SAMTOR: variants seen among roughly 807,000 people sequenced by gnomAD.
SAMTOR encodes the protein UPF0532 protein C7orf60.
chr7:112,824,449 C>T, the SAMTOR span, among the ~76,000 whole-genome samples: 1 of 152,116 alleles, frequency 6.6e-6, no homozygotes, highest in African/African-American at 2.4e-5. Flanking sequence ...CAACCTCCGC[C>T]TCCTGGGTTC....
chr7:112,822,052 G>A, the SAMTOR span: 14 of 1,613,674 alleles, frequency 8.7e-6, no homozygotes, highest in East Asian at 2.2e-5. Context: ...TACTTGAAGC[G>A]TTTAAAGCCC....
the SAMTOR span, among the ~76,000 whole-genome samples, chr7:112,830,268 C>T: frequency 6.6e-6 from 1 of 152,006 alleles, no homozygotes; most frequent in Non-Finnish European, 1.5e-5. Flanking sequence ...AAAATTATTT[C>T]GAATATTTTG....
At chr7:112,864,628 T>C in the SAMTOR span, among the ~76,000 whole-genome samples, 1 of 152,236 alleles carries the variant, frequency 6.6e-6, no homozygotes, top group Non-Finnish European at 1.5e-5. Flanking sequence ...TATTTACAGC[T>C]GAAAGTTCTG....
the SAMTOR span, among the ~76,000 whole-genome samples, chr7:112,868,539 T>C: frequency 6.6e-6 from 1 of 152,064 alleles, no homozygotes; most frequent in African/African-American, 2.4e-5. Context: ...TGGGAGGTAG[T>C]GTGGGGAAAG....
chr7:112,864,442 T>G, the SAMTOR span, among the ~76,000 whole-genome samples: 2 of 152,178 alleles, frequency 1.3e-5, no homozygotes, highest in Non-Finnish European at 2.9e-5. Flanking sequence ...ATGATAAAGT[T>G]TAATGATAGG....
At chr7:112,886,939 G>A in the SAMTOR span, among the ~76,000 whole-genome samples, 1 of 152,140 alleles carries the variant, frequency 6.6e-6, no homozygotes, top group Non-Finnish European at 1.5e-5. Context: ...GCCGAGGAAG[G>A]CAGATCACGA....
chr7:112,912,392 A>T, the SAMTOR span, among the ~76,000 whole-genome samples: 134 of 152,036 alleles, frequency 8.8e-4, no homozygotes, highest in Middle Eastern at 0.014. Context: ...AAATTTTATT[A>T]TTCTGTCCTT....
chr7:112,912,878 T>G, the SAMTOR span, among the ~76,000 whole-genome samples: 1 of 152,040 alleles, frequency 6.6e-6, no homozygotes, highest in Non-Finnish European at 1.5e-5. Context: ...AAGTAGAAGG[T>G]GAAAGCAATT....
chr7:112,876,290 A>AT, the SAMTOR span, among the ~76,000 whole-genome samples: 1 of 151,878 alleles, frequency 6.6e-6, no homozygotes, highest in Non-Finnish European at 1.5e-5. Context: ...CTATTTTCTG[A>AT]TTTTTGAACG....
the SAMTOR span, among the ~76,000 whole-genome samples, chr7:112,898,002 A>G: frequency 6.6e-6 from 1 of 152,150 alleles, no homozygotes; most frequent in Non-Finnish European, 1.5e-5. Context: ...TGCTTTGCAG[A>G]GGGAGTGTGA....
chr7:112,845,726 T>C, the SAMTOR span, among the ~76,000 whole-genome samples: 3 of 152,076 alleles, frequency 2.0e-5, no homozygotes, highest in African/African-American at 7.2e-5. Flanking sequence ...AGCAATCCTA[T>C]CACTGGCTGT....
At chr7:112,843,019 GT>G in the SAMTOR span, among the ~76,000 whole-genome samples, 3 of 151,984 alleles carry the variant, frequency 2.0e-5, no homozygotes, top group Non-Finnish European at 4.4e-5. Context: ...TTGCTTAAAT[GT>G]TTTCAAACAA....
chr7:112,880,733 T>C, the SAMTOR span, among the ~76,000 whole-genome samples: 1 of 152,194 alleles, frequency 6.6e-6, no homozygotes, highest in African/African-American at 2.4e-5. Context: ...CAGGTTTCAA[T>C]ATATTTGTAT....
chr7:112,926,215 C>T, the SAMTOR span, among the ~76,000 whole-genome samples: 2 of 152,126 alleles, frequency 1.3e-5, no homozygotes, highest in Non-Finnish European at 2.9e-5. Flanking sequence ...GTCTATCTAC[C>T]ATGGGTGAGG....
At chr7:112,937,865 TTAAAA>T in the SAMTOR span, among the ~76,000 whole-genome samples, 1 of 151,212 alleles carries the variant, frequency 6.6e-6, no homozygotes, top group Non-Finnish European at 1.5e-5. Context: ...ATACTCAGGC[TTAAAA>T]CATGGTTAAA....
the SAMTOR span, among the ~76,000 whole-genome samples, chr7:112,892,688 C>T: frequency 6.6e-6 from 1 of 151,806 alleles, no homozygotes; most frequent in South Asian, 2.1e-4. Flanking sequence ...GGGAGGGTCA[C>T]TTGAGCCCAG....
chr7:112,825,050 C>T, the SAMTOR span, among the ~76,000 whole-genome samples: 1 of 152,126 alleles, frequency 6.6e-6, no homozygotes, highest in Non-Finnish European at 1.5e-5. Flanking sequence ...CAGACAGGGT[C>T]TCACTCTGTC....
chr7:112,913,414 C>T, the SAMTOR span, among the ~76,000 whole-genome samples: 52 of 152,174 alleles, frequency 3.4e-4, no homozygotes, highest in Non-Finnish European at 7.2e-4. Context: ...TCTCATTCAC[C>T]AACTGTTTAA....
chr7:112,839,964 A>T, the SAMTOR span, among the ~76,000 whole-genome samples: 1 of 151,958 alleles, frequency 6.6e-6, no homozygotes, highest in East Asian at 1.9e-4. Flanking sequence ...TTATATTCAG[A>T]GTCTGACAAT....
Sources: gnomAD v4.1 joint callset for allele counts (sites outside exome capture counted in the v4.1 genomes callset) on GRCh38, gnomAD v4.1.1 for gene constraint, MANE v1.5 for transcripts, NCBI Gene and HGNC (gene_info 2026-07-23, HGNC 2026-07-21) for gene names.